The following SKAP1 variants were observed in gnomAD, a reference collection of about 807,000 sequenced individuals.
SKAP1 encodes the protein src kinase-associated phosphoprotein 1.
SKAP1 carries 44 observed loss-of-function variants against 58.5 expected under a neutral mutation model. The ratio of observed to expected loss-of-function variants is 0.75; its 90% CI spans 0.59 to 0.97. SKAP1 has a LOEUF of 0.97. Ranked by LOEUF, SKAP1 falls within the 50% of genes least tolerant of loss-of-function variation. SKAP1 has a pLI of 0.00. For synonymous variants in SKAP1, 127 were observed against 149.7 expected, an observed-to-expected ratio of 0.85 and a Z score of 1.11; for missense variants, 390 against 435.2, an observed-to-expected ratio of 0.90 and a Z score of 0.92.
intron 12 of SKAP1, among the ~76,000 whole-genome samples, chr17:48,134,198 T>C (rs1469335643): frequency 1.3e-5 from 2 of 152,246 alleles, no homozygotes; most frequent in African/African-American, 4.8e-5. Flanking sequence ...ATTTAGGTCA[T>C]TTCCAAGTGT....
At chr17:48,235,377 T>C (rs1239838693) in intron 4 of SKAP1, among the ~76,000 whole-genome samples, 1 of 152,102 alleles carries the variant, frequency 6.6e-6, no homozygotes, top group Admixed American at 6.6e-5. Context: ...AAGTAACAAA[T>C]TGTCCTAACT....
chr17:48,407,230 T>C (rs1293016066), intron 1 of SKAP1, among the ~76,000 whole-genome samples: 1 of 152,136 alleles, frequency 6.6e-6, no homozygotes, highest in Non-Finnish European at 1.5e-5. Flanking sequence ...ATATTTTCGA[T>C]GTTAAATAAG....
At chr17:48,410,306 C>T (rs752919533) in intron 1 of SKAP1, among the ~76,000 whole-genome samples, 22 of 152,132 alleles carry the variant, frequency 1.4e-4, no homozygotes, top group Non-Finnish European at 2.8e-4. Flanking sequence ...CCATGTTTCA[C>T]TTTACACAGA....
chr17:48,378,678 T>C (rs1192048591), intron 2 of SKAP1, among the ~76,000 whole-genome samples: 1 of 152,082 alleles, frequency 6.6e-6, no homozygotes, highest in African/African-American at 2.4e-5. Context: ...GAGGCTCAGC[T>C]AAGTGTCCTA....
intron 4 of SKAP1, among the ~76,000 whole-genome samples, chr17:48,336,537 G>C (rs1598585084): frequency 1.3e-5 from 2 of 151,738 alleles, no homozygotes; most frequent in Non-Finnish European, 3.0e-5. Flanking sequence ...AATGAATTAG[G>C]GGAATTATTC....
intron 4 of SKAP1, among the ~76,000 whole-genome samples, chr17:48,218,418 C>A (rs778417330): frequency 2.6e-5 from 4 of 152,132 alleles, no homozygotes; most frequent in Non-Finnish European, 5.9e-5. Context: ...TTTCATGAAA[C>A]CTCTAGTTAT....
At chr17:48,405,884 G>A (rs898881093) in intron 1 of SKAP1, among the ~76,000 whole-genome samples, 7 of 152,058 alleles carry the variant, frequency 4.6e-5, no homozygotes, top group African/African-American at 1.4e-4. Context: ...TGGCTACTAC[G>A]ATGATCAGTG....
intron 4 of SKAP1, among the ~76,000 whole-genome samples, chr17:48,250,661 T>TA (rs200300613): frequency 8.7e-4 from 132 of 151,076 alleles, no homozygotes; most frequent in African/African-American, 8.7e-4. Flanking sequence ...CTCGTTTTTC[T>TA]AAAAAAAAAT....
chr17:48,278,662 A>G (rs1203076836), intron 4 of SKAP1, among the ~76,000 whole-genome samples: 2 of 152,198 alleles, frequency 1.3e-5, no homozygotes, highest in East Asian at 1.9e-4. Flanking sequence ...GGAGAGTAAC[A>G]GAAGTATCGG....
At chr17:48,296,787 A>T (rs1406958386) in intron 4 of SKAP1, among the ~76,000 whole-genome samples, 3 of 152,090 alleles carry the variant, frequency 2.0e-5, no homozygotes, top group Non-Finnish European at 4.4e-5. Flanking sequence ...AAAATAGAAA[A>T]TATTATTATA....
intron 2 of SKAP1, among the ~76,000 whole-genome samples, chr17:48,395,109 G>T (rs964188508): frequency 1.3e-5 from 2 of 152,142 alleles, no homozygotes; most frequent in Non-Finnish European, 2.9e-5. Flanking sequence ...ACAAGAAACT[G>T]ACTCTATCCC....
intron 2 of SKAP1, among the ~76,000 whole-genome samples, chr17:48,387,869 G>A (rs1246120173): frequency 2.0e-5 from 3 of 151,946 alleles, no homozygotes; most frequent in Admixed American, 6.6e-5. Context: ...TAGAATGTTC[G>A]AATTGAATTT....
chr17:48,186,534 G>A (rs536250806), intron 6 of SKAP1, among the ~76,000 whole-genome samples: 70 of 152,134 alleles, frequency 4.6e-4, no homozygotes, highest in African/African-American at 1.6e-3. Context: ...TGCCCAGGGT[G>A]GAGTGCAGTG....
chr17:48,146,296 G>A (rs1199363035), intron 11 of SKAP1, among the ~76,000 whole-genome samples: 1 of 151,960 alleles, frequency 6.6e-6, no homozygotes, highest in African/African-American at 2.4e-5. Flanking sequence ...TTCGAGACCA[G>A]CCTGGCCAAT....
Position 48,395,671 on chromosome 17 carries a change from G to C in SKAP1, c.152+1009C>G, listed in dbSNP as rs755442139. ...AACTCCCATCTTTTGCATTCTGTTT[G>C]TTTCAATTATTCAGGGCAACCCAGG... On this transcript the variant is annotated intron_variant, in intron 2 of 12. Coordinates refer to ENST00000336915, the MANE Select transcript of SKAP1 (RefSeq NM_003726.4). Among the ~76,000 whole-genome samples, 13 of 152,218 alleles carry C rather than the reference G, an allele frequency of 8.5e-5. 1 individual carries two copies. In the South Asian group the frequency reaches 1.5e-3, roughly 17 times the overall value.
intron 4 of SKAP1, among the ~76,000 whole-genome samples, chr17:48,311,962 T>C (rs1025462582): frequency 2.6e-5 from 4 of 152,230 alleles, no homozygotes; most frequent in African/African-American, 7.2e-5. Context: ...TTTCATCAAA[T>C]GCTTTCTTGT....
In SKAP1 at chr17:48,181,490, C is replaced by CT. The variant is rs1219139600; in HGVS notation, c.631+903dup. 2.0e-5 allele frequency among the ~76,000 whole-genome samples: 3 copies of CT among 152,278 alleles called. No homozygotes were observed. In the East Asian group the frequency reaches 5.8e-4, roughly 29 times the overall value. Reference sequence around the variant, plus strand: ...CGCTGTTGGTAGATGCAATAGTTTGCTTTTGTGATAGCAAAGGCATAACTG... The same window carrying CT: ...CGCTGTTGGTAGATGCAATAGTTTGCTTTTTGTGATAGCAAAGGCATAACTG... On this transcript the variant is annotated intron_variant, in intron 8 of 12. Transcript: ENST00000336915.
chr17:48,270,959 G>A (rs1011618211), intron 4 of SKAP1, among the ~76,000 whole-genome samples: 1 of 151,678 alleles, frequency 6.6e-6, no homozygotes, highest in East Asian at 1.9e-4. Flanking sequence ...GGAGGGGGTT[G>A]GTGGGAGGGG....
chr17:48,177,662 G>A (rs1411682191), intron 9 of SKAP1, among the ~76,000 whole-genome samples: 1 of 152,134 alleles, frequency 6.6e-6, no homozygotes, highest in East Asian at 1.9e-4. Flanking sequence ...TTCTCCAGGT[G>A]TGGCACTATG....
Sources: allele counts gnomAD v4.1 joint callset (sites outside exome capture counted in the v4.1 genomes callset), GRCh38; gene constraint gnomAD v4.1.1; transcripts MANE v1.5; gene names NCBI Gene and HGNC (gene_info 2026-07-23, HGNC 2026-07-21).